The following MYO16 variants were observed in gnomAD, a reference collection of about 807,000 sequenced individuals.
The protein encoded by MYO16 is myosin XVI.
MYO16 carries 94 observed loss-of-function variants against 205.3 expected under a neutral mutation model. The ratio of observed to expected loss-of-function variants is 0.46; its 90% CI spans 0.39 to 0.54. The LOEUF (loss-of-function observed/expected upper bound fraction) is 0.54, where lower values mean the gene tolerates loss of function less well. MYO16 is among the 20% of genes least tolerant of loss of function. MYO16 has a pLI of 0.00. For synonymous variants in MYO16, 988 were observed against 954.0 expected, an observed-to-expected ratio of 1.04 and a Z score of -0.66; for missense variants, 2,315 against 2,387.5, an observed-to-expected ratio of 0.97 and a Z score of 0.63.
chr13:108,831,664 C>A (rs1314351021), intron 9 of MYO16, among the ~76,000 whole-genome samples: 2 of 152,154 alleles, frequency 1.3e-5, no homozygotes, highest in Non-Finnish European at 1.5e-5. Context: ...AGGCATCCAC[C>A]ACCACACCCA....
chr13:109,073,979 T>A (rs1888008035), intron 27 of MYO16, among the ~76,000 whole-genome samples: 1 of 152,214 alleles, frequency 6.6e-6, no homozygotes, highest in Non-Finnish European at 1.5e-5. Context: ...TCCTTCAGTG[T>A]TTACTTTTGT....
At chr13:109,118,848 A>G (rs1219048648) in intron 28 of MYO16, among the ~76,000 whole-genome samples, 1 of 152,196 alleles carries the variant, frequency 6.6e-6, no homozygotes, top group Non-Finnish European at 1.5e-5. Flanking sequence ...ATGAAAAAAA[A>G]AAGTAACAAT....
intron 28 of MYO16, among the ~76,000 whole-genome samples, chr13:109,114,647 G>A (rs73619911): frequency 6.6e-5 from 10 of 152,278 alleles, no homozygotes; most frequent in African/African-American, 1.7e-4. Flanking sequence ...CATTTCCTTA[G>A]AGGAAATTGT....
In MYO16 at chr13:108,842,415, T is replaced by TA. The variant is rs199559424; in HGVS notation, c.1098-1919dup. 6.6e-3 allele frequency among the ~76,000 whole-genome samples: 996 copies of TA among 151,308 alleles called. 10 individuals are homozygous for TA. The highest frequency in any genetic ancestry group is 0.024 in the South Asian group (114 of 4,776). On this transcript the variant is annotated intron_variant, in intron 9 of 34. Coordinates refer to ENST00000457511, the MANE Select transcript of MYO16 (RefSeq NM_001198950.3). ...TGTAATGAACTCACACAGCTCACTG[T>TA]AAAAAAAAACCTCTAAGTTTTTAAT...
At chr13:108,955,545 A>G (rs1883316331) in intron 16 of MYO16, among the ~76,000 whole-genome samples, 2 of 152,100 alleles carry the variant, frequency 1.3e-5, no homozygotes, top group South Asian at 2.1e-4. Flanking sequence ...TTCCATCACT[A>G]TCATTCAGTC....
At chr13:108,623,468 C>G (rs1412817692) in intron 1 of MYO16, among the ~76,000 whole-genome samples, 1 of 152,098 alleles carries the variant, frequency 6.6e-6, no homozygotes, top group Non-Finnish European at 1.5e-5. Flanking sequence ...AGCCAGATCT[C>G]CCTATGATCC....
rs368644941 is a variant in MYO16, at chr13:108,926,935, T to C, written c.1925+16785T>C. Among the ~76,000 whole-genome samples, 8 of 152,276 alleles carry C rather than the reference T, an allele frequency of 5.3e-5. No individual in the cohort carries two copies. The South Asian group carries it at 1.2e-3, about 24-fold the overall frequency. Reference sequence around the variant, plus strand: ...AGTTCTGTTTAGGCTACAGGCACTGTCAACTGTGATAAATACTAAAATGAA... The same window carrying C: ...AGTTCTGTTTAGGCTACAGGCACTGCCAACTGTGATAAATACTAAAATGAA... On this transcript the variant is annotated intron_variant, in intron 16 of 34. Transcript: ENST00000457511.
chr13:108,565,276 G>A, the MYO16 span, among the ~76,000 whole-genome samples: 7 of 151,952 alleles, frequency 4.6e-5, no homozygotes, highest in African/African-American at 1.7e-4. Flanking sequence ...TCAGTAGTAG[G>A]GACATTTTAA....
intron 32 of MYO16, among the ~76,000 whole-genome samples, chr13:109,157,960 A>T (rs1173300848): frequency 2.0e-5 from 3 of 152,082 alleles, no homozygotes; most frequent in African/African-American, 7.2e-5. Context: ...TTTCTTTCGG[A>T]CGAATATTTC....
chr13:108,713,036 T>C (rs1024334135), intron 3 of MYO16, among the ~76,000 whole-genome samples: 13 of 152,148 alleles, frequency 8.5e-5, no homozygotes, highest in Non-Finnish European at 2.9e-5. Context: ...TTCCTACAAG[T>C]TGTCCTTATT....
intron 2 of MYO16, among the ~76,000 whole-genome samples, chr13:108,695,555 C>CAATAAA (rs1883059624): frequency 6.9e-6 from 1 of 144,524 alleles, no homozygotes; most frequent in African/African-American, 2.5e-5. Context: ...TTAATTTCTG[C>CAATAAA]AAAAAAAAAA....
At chr13:109,176,622 C>T (rs759235623) in intron 33 of MYO16, among the ~76,000 whole-genome samples, 57 of 128,746 alleles carry the variant, frequency 4.4e-4, no homozygotes, top group Non-Finnish European at 8.3e-4. Flanking sequence ...GCACCTTTGG[C>T]GCTTCCTGGC....
At chr13:108,516,886 T>G in the MYO16 span, among the ~76,000 whole-genome samples, 3 of 148,698 alleles carry the variant, frequency 2.0e-5, no homozygotes, top group African/African-American at 7.5e-5. Context: ...TTACTGGGAT[T>G]TTGTTTTCTT....
chr13:108,549,239 T>C, the MYO16 span, among the ~76,000 whole-genome samples: 7 of 152,174 alleles, frequency 4.6e-5, no homozygotes, highest in African/African-American at 1.4e-4. Flanking sequence ...GTCATCTGGG[T>C]GATCCCATAT....
At chr13:109,187,525 T>C (rs1879735406) in intron 34 of MYO16, among the ~76,000 whole-genome samples, 1 of 152,236 alleles carries the variant, frequency 6.6e-6, no homozygotes, top group African/African-American at 2.4e-5. Context: ...AATTTCCATC[T>C]CAACACTGTA....
the MYO16 span, among the ~76,000 whole-genome samples, chr13:108,527,467 C>G: frequency 6.6e-6 from 1 of 152,156 alleles, no homozygotes; most frequent in African/African-American, 2.4e-5. Flanking sequence ...CCTTATTAAA[C>G]TGTTAATTAA....
At chr13:109,027,286 C>T (rs1886393900) in intron 23 of MYO16, among the ~76,000 whole-genome samples, 1 of 152,150 alleles carries the variant, frequency 6.6e-6, no homozygotes, top group Non-Finnish European at 1.5e-5. Flanking sequence ...AGATTTAATC[C>T]AGCCGGACCG....
intron 16 of MYO16, among the ~76,000 whole-genome samples, chr13:108,936,083 A>C (rs1221241080): frequency 7.0e-6 from 1 of 143,178 alleles, no homozygotes; most frequent in African/African-American, 2.6e-5. Context: ...TATTGGCTAT[A>C]GTTTCCTTCC....
At chr13:108,952,407 A>G (rs1883193021) in intron 16 of MYO16, among the ~76,000 whole-genome samples, 1 of 152,128 alleles carries the variant, frequency 6.6e-6, no homozygotes, top group African/African-American at 2.4e-5. Context: ...GACTAGCTTC[A>G]CAACTTTAAA....
Sources: gnomAD v4.1 joint callset for allele counts (sites outside exome capture counted in the v4.1 genomes callset) on GRCh38, gnomAD v4.1.1 for gene constraint, MANE v1.5 for transcripts, NCBI Gene and HGNC (gene_info 2026-07-23, HGNC 2026-07-21) for gene names.